Variants in NBPF14 observed in about 807,000 individuals in gnomAD.
NBPF14 encodes NBPF family member NBPF14.
NBPF14 carries 104 observed loss-of-function variants against 91.2 expected under a neutral mutation model. The observed-to-expected ratio is 1.14, with a 90% CI of 0.97 to 1.34. The LOEUF (loss-of-function observed/expected upper bound fraction) is 1.34, where lower values mean the gene tolerates loss of function less well. NBPF14 is among the 40% of genes most tolerant of loss of function. The probability of loss-of-function intolerance (pLI) is 0.00; values close to 1 mark genes in which losing one functional copy is unlikely to be tolerated. For missense variants in NBPF14, 908 were observed against 783.0 expected (o/e 1.16, Z -1.91); for synonymous variants, 294 against 303.8 (o/e 0.97, Z 0.34).
At chr1:148,594,108 T>A (rs1434861039) in intron 2 of NBPF14, among the ~76,000 whole-genome samples, 2 of 146,940 alleles carry the variant, frequency 1.4e-5, no homozygotes, top group Non-Finnish European at 3.0e-5. Flanking sequence ...GACTGATGGC[T>A]TCCCTTTTAC....
chr1:148,577,543 GAC>G (rs1184575767), intron 14 of NBPF14, among the ~76,000 whole-genome samples, 188 bp from the exon 15 acceptor site: 72,889 of 140,900 alleles, frequency 0.52, 18,312 homozygotes, highest in East Asian at 0.8. Context: ...GAACGAGAAA[GAC>G]ACACACACAC....
Position 148,580,864 on chromosome 1 carries a change from T to G in NBPF14, c.1638-1627A>C, listed in dbSNP as rs1231451473. Among the ~76,000 whole-genome samples, 53 of 95,124 alleles carry G rather than the reference T, an allele frequency of 5.6e-4. 7 individuals carry two copies. Among genetic ancestry groups the G allele is most frequent in the Non-Finnish European group, 7.6e-4 (34 of 44,820 alleles). The allele number at this position is 95,124 out of a possible 152,430, so 62.4% of individuals were successfully genotyped here. On this transcript the variant is annotated intron_variant, in intron 12 of 70. Coordinates refer to ENST00000619423, the Ensembl canonical transcript of NBPF14. ...TTTGTGTGTATGTATATATATATATTTTTTTTTTAATACTTTAAGTCTTAG... is the reference window on the plus strand; with the variant it reads ...TTTGTGTGTATGTATATATATATATGTTTTTTTTAATACTTTAAGTCTTAG...
In NBPF14 at chr1:148,557,662, G is replaced by C. The variant is rs1213085791; in HGVS notation, c.4955-120C>G. 4.9e-6 allele frequency: 3 copies of C among 613,250 alleles called. 1 individual carries two copies. The African/African-American group carries it at 8.1e-5, about 17-fold the overall frequency. The allele number at this position is 613,250 out of a possible 1,614,324, so 38.0% of individuals were successfully genotyped here. On this transcript the variant is annotated intron_variant, in intron 39 of 70. Coordinates refer to ENST00000619423, the Ensembl canonical transcript of NBPF14. The stretch of plus-strand genomic sequence containing the variant: ...CCTCAGCATGAGAACAGGACCATGT[G>C]AGAGATATACTTCAGGAGGCCTGAA...
rs1190701207 is a variant in NBPF14 at position 148,557,626 on chromosome 1, G to A, written c.4955-84C>T. The A allele has an allele frequency of 6.8e-5, 39 of 576,986 alleles. 5 individuals carry two copies. The highest frequency in any genetic ancestry group is 1.0e-4 in the Non-Finnish European group (35 of 334,624). 35.7% of individuals were successfully genotyped at this position (576,986 alleles called of 1,614,324 possible). Reference sequence around the variant, plus strand: ...GTCCACTGTCTAATCCCCACACAGGGATCTCAGGCTCCTCAGCATGAGAAC... The same window carrying A: ...GTCCACTGTCTAATCCCCACACAGGAATCTCAGGCTCCTCAGCATGAGAAC... On this transcript the variant is annotated intron_variant, in intron 39 of 70. Coordinates refer to ENST00000619423, the Ensembl canonical transcript of NBPF14.
intron 70 of NBPF14, among the ~76,000 whole-genome samples, 154 bp downstream of exon 70, chr1:148,533,707 C>A (rs1257977504): frequency 3.3e-5 from 5 of 150,960 alleles, no homozygotes; most frequent in Non-Finnish European, 7.4e-5. Context: ...AAATGGAAAC[C>A]TAAACATCTA....
intron 14 of NBPF14, among the ~76,000 whole-genome samples, chr1:148,577,765 G>A (rs1252979071): frequency 2.1e-5 from 3 of 139,732 alleles, no homozygotes; most frequent in African/African-American, 5.7e-5. Flanking sequence ...CAGCTTTTGA[G>A]GTATGGTCAA....
At position 148,577,374 on chromosome 1, in the gene NBPF14, G is replaced by T; in HGVS notation, c.1854-19C>A. 1 of 627,480 alleles carries T rather than the reference G, an allele frequency of 1.6e-6. No homozygotes were observed. The highest frequency in any genetic ancestry group is 2.8e-5 in the East Asian group (1 of 35,740). The allele number at this position is 627,480 out of a possible 1,614,324, so 38.9% of individuals were successfully genotyped here. On this transcript the variant is annotated intron_variant, in intron 14 of 70. Transcript: ENST00000619423. ...GCTGAGCCTGGAAAAGTGGGAAAAA[G>T]TAAAGAATAAGCCAGGGGGAATCAG...
chr1:148,584,577 CTGGT>C lies in NBPF14; in HGVS notation c.1475_1478del (p.Asn492SerfsTer96). On this transcript the variant is annotated frameshift_variant, in exon 11 of 71. Transcript: ENST00000619423. LOFTEE classifies it high-confidence loss of function. The stretch of plus-strand genomic sequence containing the variant: ...ATGTGATTTTGGTTTTCCTATGTGG[CTGGT>C]TGGAGTCATAAGAGCCATGGCTATT... The C allele has an allele frequency of 3.9e-6, 2 of 516,486 alleles. No individual in the cohort carries two copies. Among genetic ancestry groups the C allele is most frequent in the East Asian group, 5.8e-5 (2 of 34,254 alleles). The allele number at this position is 516,486 out of a possible 1,614,324, so 32.0% of individuals were successfully genotyped here.
intron 36 of NBPF14, among the ~76,000 whole-genome samples, chr1:148,560,301 A>G (rs1657597742): frequency 1.5e-5 from 2 of 136,534 alleles, no homozygotes. Context: ...GATCATGAAA[A>G]GAGTGAGCTC....
exon 17 of NBPF14, chr1:148,575,774 C>A: frequency 3.3e-6 from 1 of 299,232 alleles, no homozygotes; most frequent in East Asian, 6.8e-5. Context: ...TCCTGCAAGA[C>A]TTCAGGCTCT....
intron 34 of NBPF14, among the ~76,000 whole-genome samples, chr1:148,561,809 A>C (rs1318384553): frequency 7.3e-6 from 1 of 136,482 alleles, no homozygotes; most frequent in Non-Finnish European, 1.5e-5. Context: ...ACAAACACAC[A>C]CACACACACA....
exon 71 of NBPF14, chr1:148,532,068 G>A (rs1453809159): frequency 3.9e-5 from 6 of 152,008 alleles, no homozygotes; most frequent in Non-Finnish European, 8.8e-5. Context: ...AATATTTGGG[G>A]TTCAAAATAA....
intron 59 of NBPF14, among the ~76,000 whole-genome samples, chr1:148,542,180 C>A (rs1655656842): frequency 1.0e-5 from 1 of 96,876 alleles, no homozygotes; most frequent in African/African-American, 8.6e-5. Context: ...AGCCCTGTCT[C>A]AACAAATACG....
intron 13 of NBPF14, 139 bp downstream of exon 13, chr1:148,578,935 C>G: frequency 1.5e-6 from 1 of 688,282 alleles, no homozygotes; most frequent in Non-Finnish European, 2.6e-6. Flanking sequence ...TCCAGAGTGA[C>G]TGAAATCTAC....
intron 14 of NBPF14, among the ~76,000 whole-genome samples, 156 bp downstream of exon 14, chr1:148,577,826 CA>C (rs1188761735): frequency 7.3e-6 from 1 of 137,754 alleles, no homozygotes; most frequent in Non-Finnish European, 1.5e-5. Flanking sequence ...GAAACCTAAA[CA>C]TTTACTCTAA....
intron 28 of NBPF14, among the ~76,000 whole-genome samples, 159 bp from the exon 29 acceptor site, chr1:148,566,474 A>G (rs1658332963): frequency 1.4e-5 from 2 of 142,606 alleles, no homozygotes; most frequent in African/African-American, 5.1e-5. Context: ...GGGACAGAAC[A>G]GGGCCAAATG....
chr1:148,585,503 TC>T (rs1661364798), intron 9 of NBPF14, among the ~76,000 whole-genome samples: 2 of 149,696 alleles, frequency 1.3e-5, no homozygotes, highest in Admixed American at 6.6e-5. Context: ...GGCAGCTGTC[TC>T]CCCCATCCTG....
At chr1:148,577,983 C>A in exon 14 of NBPF14, 1 of 614,864 alleles carries the variant, frequency 1.6e-6, no homozygotes, top group South Asian at 1.9e-5. Flanking sequence ...TCAGACTCAC[C>A]TGGGACCTGT....
chr1:148,561,828 G>A (rs1278283718), intron 34 of NBPF14, among the ~76,000 whole-genome samples: 2 of 137,890 alleles, frequency 1.5e-5, no homozygotes, highest in South Asian at 2.2e-4. Context: ...CAGAGAGAGA[G>A]AGAGAGAGAG....
Sources: gnomAD v4.1 joint callset for allele counts (sites outside exome capture counted in the v4.1 genomes callset) on GRCh38, gnomAD v4.1.1 for gene constraint, MANE v1.5 for transcripts, NCBI Gene and HGNC (gene_info 2026-07-23, HGNC 2026-07-21) for gene names.